The following ARIH1 variants were observed in gnomAD, a reference collection of about 807,000 sequenced individuals.
ARIH1 encodes the protein ariadne RBR E3 ubiquitin protein ligase 1.
In ARIH1, 8 loss-of-function variants were observed where a neutral mutation model predicts 85.0. That is an observed-to-expected ratio of 0.09 (90% CI 0.06 to 0.17). ARIH1 has a LOEUF of 0.17. Among genes scored for constraint, ARIH1 ranks in the 10% least tolerant of loss-of-function variants. The probability of loss-of-function intolerance (pLI) is 1.00; values close to 1 mark genes in which losing one functional copy is unlikely to be tolerated. For missense variants in ARIH1, 311 were observed against 718.1 expected, an observed-to-expected ratio of 0.43 and a Z score of 6.48; for synonymous variants, 238 against 253.6, an observed-to-expected ratio of 0.94 and a Z score of 0.59.
At chr15:72,489,247 CAAAAAAAAAA>C (rs3028452) in intron 1 of ARIH1, among the ~76,000 whole-genome samples, 8 of 84,102 alleles carry the variant, frequency 9.5e-5, no homozygotes, top group South Asian at 5.0e-4. Context: ...GACCATGTCT[CAAAAAAAAAA>C]AAAAAAAAAA....
In ARIH1 at chr15:72,583,589, TTTTTCC is replaced by T; in HGVS notation, c.*305_*310del. ...TCTCAAAGCTGACTCCTTTTTTTTC[TTTTTCC>T]TTTTCCTGAGTGTAGTACAGTTAAA... On this transcript the variant is annotated 3_prime_UTR_variant, in exon 14 of 14. Coordinates refer to ENST00000379887, the MANE Select transcript of ARIH1 (RefSeq NM_005744.5). The T allele has an allele frequency of 3.5e-6, 1 of 285,830 alleles. No individual in the cohort carries two copies. Among genetic ancestry groups the T allele is most frequent in the Non-Finnish European group, 6.6e-6 (1 of 152,198 alleles). 17.7% of individuals were successfully genotyped at this position (285,830 alleles called of 1,614,324 possible).
chr15:72,490,557 G>A (rs183824987), intron 1 of ARIH1, among the ~76,000 whole-genome samples: 1 of 152,114 alleles, frequency 6.6e-6, no homozygotes, highest in Non-Finnish European at 1.5e-5. Flanking sequence ...CTCCCCTCCC[G>A]CTCCTTTCAT....
intron 1 of ARIH1, among the ~76,000 whole-genome samples, chr15:72,511,467 C>G (rs946956816): frequency 2.6e-5 from 4 of 152,034 alleles, no homozygotes; most frequent in African/African-American, 9.7e-5. Context: ...CCATGCCCTG[C>G]TAATTTTTTG....
intron 5 of ARIH1, among the ~76,000 whole-genome samples, chr15:72,558,292 C>T (rs541618902): frequency 1.2e-4 from 18 of 152,170 alleles, no homozygotes; most frequent in African/African-American, 3.9e-4. Flanking sequence ...TTGAGATGAT[C>T]GTATGGTTTT....
At position 72,584,387 on chromosome 15, in the gene ARIH1, C is replaced by T. The variant is rs748451903; in HGVS notation, c.*1095C>T. 21 of 152,190 alleles carry T rather than the reference C, an allele frequency of 1.4e-4. No individual in the cohort carries two copies. Among genetic ancestry groups the T allele is most frequent in the Non-Finnish European group, 2.8e-4 (19 of 68,034 alleles). 9.4% of individuals were successfully genotyped at this position (152,190 alleles called of 1,614,324 possible). ...CACACAGCTGTAGGCATTCTTAAGT[C>T]CCCTGTCGCATCCAGTGGAAGCATT... On this transcript the variant is annotated 3_prime_UTR_variant, in exon 14 of 14. Coordinates refer to ENST00000379887, the MANE Select transcript of ARIH1 (RefSeq NM_005744.5).
At chr15:72,535,221 G>A (rs1252081248) in intron 2 of ARIH1, among the ~76,000 whole-genome samples, 3 of 151,912 alleles carry the variant, frequency 2.0e-5, no homozygotes, top group Non-Finnish European at 4.4e-5. Context: ...AAAGTGCTGG[G>A]ATTACAGGCG....
At chr15:72,567,793 C>G (rs535266265) in intron 9 of ARIH1, among the ~76,000 whole-genome samples, 1 of 152,128 alleles carries the variant, frequency 6.6e-6, no homozygotes, top group East Asian at 1.9e-4. Context: ...CTATCCTATC[C>G]CCATAGTGAG....
In ARIH1 at chr15:72,596,738, C is replaced by T. The variant is rs2064364926; in HGVS notation, c.*13446C>T. 6.6e-6 allele frequency: 1 copy of T among 151,998 alleles called. No individual in the cohort carries two copies. Among genetic ancestry groups the T allele is most frequent in the African/African-American group, 2.4e-5 (1 of 41,372 alleles). 9.4% of individuals were successfully genotyped at this position (151,998 alleles called of 1,614,324 possible). The stretch of plus-strand genomic sequence containing the variant: ...CTGTTAAACTTGTTTATTGAATTCT[C>T]CATTTAAAAATTTTTATTTTTAGTT... On this transcript the variant is annotated 3_prime_UTR_variant, in exon 14 of 14. Coordinates refer to ENST00000379887, the MANE Select transcript of ARIH1 (RefSeq NM_005744.5).
chr15:72,564,006 G>A, intron 7 of ARIH1, among the ~76,000 whole-genome samples: 1 of 152,140 alleles, frequency 6.6e-6, no homozygotes, highest in East Asian at 1.9e-4. Context: ...CTGCCAGGAA[G>A]TTTCCAGTGC....
rs371056971 is a variant in ARIH1 at position 72,475,256 on chromosome 15, C to T, written c.375+242C>T. 6.4e-5 allele frequency: 53 copies of T among 825,712 alleles called. 1 individual carries two copies. The highest frequency in any genetic ancestry group is 5.3e-4 in the Admixed American group (13 of 24,384). 51.1% of individuals were successfully genotyped at this position (825,712 alleles called of 1,614,324 possible). On this transcript the variant is annotated intron_variant, in intron 1 of 13. Coordinates refer to ENST00000379887, the MANE Select transcript of ARIH1 (RefSeq NM_005744.5). Reference sequence around the variant, plus strand: ...TCCCAAGTCCTGCTATGGCGGAGGCCTTCGGTCGCCTAAGCCTTCTCTTGC... The same window carrying T: ...TCCCAAGTCCTGCTATGGCGGAGGCTTTCGGTCGCCTAAGCCTTCTCTTGC...
At chr15:72,483,678 T>A (rs1321389531) in intron 1 of ARIH1, among the ~76,000 whole-genome samples, 1 of 152,248 alleles carries the variant, frequency 6.6e-6, no homozygotes, top group South Asian at 2.1e-4. Flanking sequence ...TTAATTACTT[T>A]TGGCTTTGCA....
At chr15:72,482,189 G>A (rs2063819216) in intron 1 of ARIH1, among the ~76,000 whole-genome samples, 1 of 152,100 alleles carries the variant, frequency 6.6e-6, no homozygotes, top group African/African-American at 2.4e-5. Context: ...CTAGATTGGA[G>A]TTCTTGATTT....
intron 1 of ARIH1, among the ~76,000 whole-genome samples, chr15:72,494,674 A>G (rs1260584436): frequency 1.3e-5 from 2 of 152,228 alleles, no homozygotes; most frequent in Admixed American, 1.3e-4. Context: ...CTCTGTTGGT[A>G]CTATAGGAAA....
intron 4 of ARIH1, 44 bp from the exon 5 acceptor site, chr15:72,555,808 A>G: frequency 6.4e-7 from 1 of 1,553,326 alleles, no homozygotes; most frequent in Non-Finnish European, 8.9e-7. Context: ...GCATTCATTA[A>G]ATATTTGTTG....
chr15:72,532,657 G>A (rs1056563222), intron 2 of ARIH1, among the ~76,000 whole-genome samples: 80 of 152,068 alleles, frequency 5.3e-4, no homozygotes, highest in African/African-American at 1.9e-3. Flanking sequence ...ATACACACAC[G>A]CACGCACACA....
At chr15:72,523,189 A>G (rs1211055120) in intron 2 of ARIH1, among the ~76,000 whole-genome samples, 4 of 152,246 alleles carry the variant, frequency 2.6e-5, no homozygotes, top group African/African-American at 4.8e-5. Context: ...AAACCTGCAC[A>G]TGGATGTTCA....
intron 1 of ARIH1, among the ~76,000 whole-genome samples, chr15:72,490,766 A>G (rs2140396183): frequency 1.3e-5 from 2 of 152,260 alleles, no homozygotes; most frequent in South Asian, 4.1e-4. Context: ...AGCATAGGAA[A>G]CTTAAAAGGA....
intron 1 of ARIH1, among the ~76,000 whole-genome samples, chr15:72,493,999 C>T (rs1028503851): frequency 4.6e-5 from 7 of 152,120 alleles, no homozygotes; most frequent in African/African-American, 1.4e-4. Context: ...CCCTCCCTCA[C>T]AGTATTATTG....
chr15:72,577,253 G>C (rs2064275786), intron 11 of ARIH1, among the ~76,000 whole-genome samples: 1 of 151,960 alleles, frequency 6.6e-6, no homozygotes, highest in African/African-American at 2.4e-5. Flanking sequence ...CCATAATGCT[G>C]GGATTACAGG....
Sources: gnomAD v4.1 joint callset for allele counts (sites outside exome capture counted in the v4.1 genomes callset) on GRCh38, gnomAD v4.1.1 for gene constraint, MANE v1.5 for transcripts, NCBI Gene and HGNC (gene_info 2026-07-23, HGNC 2026-07-21) for gene names.